The following STAC variants were observed in gnomAD, a reference collection of about 807,000 sequenced individuals.
STAC encodes SH3 and cysteine rich domain, also known as SH3 and cysteine-rich domain-containing protein.
STAC carries 43 observed loss-of-function variants against 48.8 expected under a neutral mutation model. The ratio of observed to expected loss-of-function variants is 0.88; its 90% CI spans 0.69 to 1.14. STAC has a LOEUF of 1.14. Among genes scored for constraint, STAC ranks in the 50% most tolerant of loss-of-function variants. The pLI is 0.00. For missense variants in STAC, 497 were observed against 504.0 expected (o/e 0.99, Z 0.13); for synonymous variants, 193 against 179.5 (o/e 1.07, Z -0.60).
intron 2 of STAC, among the ~76,000 whole-genome samples, chr3:36,457,226 G>A (rs140649191): frequency 8.5e-4 from 129 of 152,292 alleles, no homozygotes; most frequent in Non-Finnish European, 1.5e-3. Flanking sequence ...AGACCTGCAA[G>A]AGACAGGAGA....
intron 2 of STAC, among the ~76,000 whole-genome samples, chr3:36,479,249 G>A (rs73827534): frequency 0.031 from 4,715 of 152,076 alleles, 220 homozygotes; most frequent in African/African-American, 0.11. Context: ...ATAAAATTCT[G>A]GGTTGCAAAT....
At chr3:36,468,664 G>T (rs950635449) in intron 2 of STAC, among the ~76,000 whole-genome samples, 2 of 144,966 alleles carry the variant, frequency 1.4e-5, no homozygotes, top group Non-Finnish European at 3.1e-5. Context: ...TTATATTTAG[G>T]ATTGTGATAC....
At chr3:36,494,331 T>G (rs1384349745) in intron 6 of STAC, among the ~76,000 whole-genome samples, 4 of 152,204 alleles carry the variant, frequency 2.6e-5, no homozygotes, top group Non-Finnish European at 5.9e-5. Flanking sequence ...AAAAGTGTAT[T>G]AGTCAAAGTC....
At chr3:36,448,253 G>A (rs1383748129) in intron 2 of STAC, among the ~76,000 whole-genome samples, 4 of 150,112 alleles carry the variant, frequency 2.7e-5, no homozygotes, top group African/African-American at 7.4e-5. Flanking sequence ...ATGGAGTCTT[G>A]CTCTGTCGCC....
chr3:36,441,683 A>T (rs757582632), intron 1 of STAC, among the ~76,000 whole-genome samples: 7 of 152,188 alleles, frequency 4.6e-5, no homozygotes, highest in Non-Finnish European at 1.0e-4. Flanking sequence ...TGTTCTTCAT[A>T]GTGGTTGCAC....
chr3:36,520,541 C>T (rs998159249), intron 8 of STAC, among the ~76,000 whole-genome samples: 2 of 152,220 alleles, frequency 1.3e-5, no homozygotes, highest in Non-Finnish European at 2.9e-5. Context: ...CAGAATAAGG[C>T]TCCCTTGGTG....
intron 1 of STAC, among the ~76,000 whole-genome samples, chr3:36,400,309 T>C (rs960255152): frequency 1.3e-5 from 2 of 152,224 alleles, no homozygotes; most frequent in Non-Finnish European, 2.9e-5. Flanking sequence ...AAATGGTCAT[T>C]TGTCCACGTG....
At chr3:36,465,444 G>A (rs1449418903) in intron 2 of STAC, among the ~76,000 whole-genome samples, 2 of 152,140 alleles carry the variant, frequency 1.3e-5, no homozygotes, top group Admixed American at 1.3e-4. Flanking sequence ...ATGTTGCTGT[G>A]AAGAAGCTTT....
intron 10 of STAC, among the ~76,000 whole-genome samples, chr3:36,542,408 A>G (rs1441043138): frequency 2.0e-5 from 3 of 152,146 alleles, no homozygotes; most frequent in Non-Finnish European, 4.4e-5. Context: ...CATTTCCTGC[A>G]TACTCTAGGC....
chr3:36,483,172 A>G, intron 3 of STAC, 80 bp downstream of exon 3: 1 of 1,107,098 alleles, frequency 9.0e-7, no homozygotes, highest in Non-Finnish European at 1.3e-6. Flanking sequence ...CCCCCTCCAA[A>G]ATCCTTCCCT....
At chr3:36,421,406 G>A (rs1276900975) in intron 1 of STAC, among the ~76,000 whole-genome samples, 1 of 151,950 alleles carries the variant, frequency 6.6e-6, no homozygotes, top group Non-Finnish European at 1.5e-5. Flanking sequence ...TTTAAGGTGA[G>A]GAGAGTCTCT....
At position 36,453,774 on chromosome 3, in the gene STAC, G is replaced by T; in HGVS notation, c.388+10134G>T. Among the ~76,000 whole-genome samples the T allele has an allele frequency of 1.3e-5, 2 of 150,568 alleles. 1 individual carries two copies. The highest frequency in any genetic ancestry group is 3.0e-5 in the Non-Finnish European group (2 of 67,474). ...GAAGCCAGCTGGGCTCCTGAGTCTG[G>T]TGGGGACGTGGAGAACCTTTATGTC... On this transcript the variant is annotated intron_variant, in intron 2 of 10. Coordinates refer to ENST00000273183, the MANE Select transcript of STAC (RefSeq NM_003149.3).
intron 5 of STAC, among the ~76,000 whole-genome samples, chr3:36,490,883 T>C (rs188477223): frequency 1.3e-5 from 2 of 152,358 alleles, no homozygotes; most frequent in East Asian, 3.9e-4. Context: ...GTTTTCTGAA[T>C]GTCAAAGGGA....
chr3:36,496,199 T>C (rs964477182), intron 6 of STAC, among the ~76,000 whole-genome samples: 10 of 152,226 alleles, frequency 6.6e-5, no homozygotes, highest in African/African-American at 2.4e-4. Flanking sequence ...AACAACTCTT[T>C]TGATCAGCAA....
chr3:36,385,084 G>GAGAGATCTCAAGCATC (rs1481443936), intron 1 of STAC, among the ~76,000 whole-genome samples: 4 of 152,180 alleles, frequency 2.6e-5, no homozygotes, highest in African/African-American at 9.7e-5. Context: ...AAATCTCTGA[G>GAGAGATCTCAAGCATC]AGAGATCTCA....
intron 5 of STAC, among the ~76,000 whole-genome samples, chr3:36,491,388 A>T (rs1396063157): frequency 6.6e-6 from 1 of 152,224 alleles, no homozygotes; most frequent in Non-Finnish European, 1.5e-5. Flanking sequence ...CCAAATTCAA[A>T]CAACATTCTC....
At chr3:36,389,492 A>C (rs1699705563) in intron 1 of STAC, among the ~76,000 whole-genome samples, 2 of 152,146 alleles carry the variant, frequency 1.3e-5, no homozygotes, top group South Asian at 4.1e-4. Context: ...AATTTTCAAC[A>C]AATGAATTTC....
chr3:36,443,409 C>T lies in STAC; in HGVS notation c.157C>T (p.Arg53Trp), dbSNP rs764073834. ...RSLSFKTKSLRSKSADNFFQR... is the reference protein window; with the variant it reads ...RSLSFKTKSLWSKSADNFFQR... ...ACTTTCTTTCAAGACCAAGAGTTTACGGAGCAAAAGTGCTGACAACTTCTT... is the reference window on the plus strand; with the variant it reads ...ACTTTCTTTCAAGACCAAGAGTTTATGGAGCAAAAGTGCTGACAACTTCTT... The change falls in exon 2 of 11, where the codon CGG becomes TGG. Residue 53 changes from arginine to tryptophan, a missense_variant. Coordinates refer to ENST00000273183, the MANE Select transcript of STAC (RefSeq NM_003149.3). This position sits in a 1 kb window ranked among gnomAD's most constrained non-coding sequence, Gnocchi z 4.2. 8.1e-6 allele frequency: 13 copies of T among 1,614,066 alleles called. No individual in the cohort carries two copies. Among genetic ancestry groups the T allele is most frequent in the African/African-American group, 1.3e-5 (1 of 74,926 alleles).
intron 1 of STAC, among the ~76,000 whole-genome samples, chr3:36,437,110 A>G (rs1700853775): frequency 6.6e-6 from 1 of 152,126 alleles, no homozygotes; most frequent in South Asian, 2.1e-4. Flanking sequence ...GGCGATCATT[A>G]AAAAGTCAGG....
Sources: gnomAD v4.1 joint callset for allele counts (sites outside exome capture counted in the v4.1 genomes callset) on GRCh38, gnomAD v4.1.1 for gene constraint, Gnocchi (gnomAD v3.1) non-coding constraint, MANE v1.5 for transcripts, NCBI Gene and HGNC (gene_info 2026-07-23, HGNC 2026-07-21) for gene names.